The following OSBPL9 variants were observed in gnomAD, a reference collection of about 807,000 sequenced individuals.
OSBPL9 encodes the protein oxysterol binding protein like 9.
Under a neutral mutation model 106.6 loss-of-function variants are expected in OSBPL9, and 40 were observed. That is an observed-to-expected ratio of 0.38 (90% CI 0.29 to 0.49). OSBPL9 has a LOEUF of 0.49. Ranked by LOEUF, OSBPL9 falls within the 20% of genes least tolerant of loss-of-function variation. The pLI is 0.97. For synonymous variants in OSBPL9, 269 were observed against 295.4 expected, an observed-to-expected ratio of 0.91 and a Z score of 0.92; for missense variants, 609 against 887.2, an observed-to-expected ratio of 0.69 and a Z score of 3.98.
At chr1:51,734,640 C>A (rs903955491) in intron 4 of OSBPL9, among the ~76,000 whole-genome samples, 1 of 152,106 alleles carries the variant, frequency 6.6e-6, no homozygotes, top group Admixed American at 6.6e-5. Flanking sequence ...ATTCTAATTC[C>A]ATTTCTACCT....
intron 4 of OSBPL9, among the ~76,000 whole-genome samples, chr1:51,731,236 G>A (rs1664320230): frequency 3.3e-5 from 5 of 151,974 alleles, no homozygotes; most frequent in African/African-American, 9.7e-5. Context: ...AGGAGCTGGA[G>A]ACCAGCCTGG....
intron 3 of OSBPL9, among the ~76,000 whole-genome samples, chr1:51,694,825 CAT>C (rs1655691873): frequency 6.6e-6 from 1 of 152,096 alleles, no homozygotes; most frequent in Non-Finnish European, 1.5e-5. Context: ...CTGGTGAATA[CAT>C]GTTTTCCAAA....
At position 51,784,559 on chromosome 1, in the gene OSBPL9, G is replaced by A. The variant is rs759522529; in HGVS notation, c.1806G>A (p.Lys602=). The change falls in exon 20 of 24, where the codon AAG becomes AAA. Residue 602 remains lysine, a synonymous_variant. Transcript: ENST00000428468. ...CTAAACCCTTCTATGGGGGCAAGAAGCACAGAATTACTGCCGAGATTTTGT... is the reference window on the plus strand; with the variant it reads ...CTAAACCCTTCTATGGGGGCAAGAAACACAGAATTACTGCCGAGATTTTGT... ...FHTKPFYGGK[K]HRITAEIFSP... The A allele has an allele frequency of 1.2e-6, 2 of 1,614,126 alleles. No individual in the cohort carries two copies. The highest frequency in any genetic ancestry group is 1.7e-6 in the Non-Finnish European group (2 of 1,179,980).
the OSBPL9 span, chr1:51,560,935 C>T: frequency 6.6e-6 from 1 of 152,214 alleles, no homozygotes; most frequent in Non-Finnish European, 1.5e-5. Flanking sequence ...AGTATTGGAA[C>T]TTTGAATCTG....
chr1:51,745,299 A>G (rs1667750959), intron 4 of OSBPL9: 5 of 457,828 alleles, frequency 1.1e-5, no homozygotes, highest in Admixed American at 8.3e-5. Flanking sequence ...AGTAAATCCA[A>G]TTTGAGCAGC....
At chr1:51,540,689 G>T in the OSBPL9 span, among the ~76,000 whole-genome samples, 1 of 118,120 alleles carries the variant, frequency 8.5e-6, no homozygotes, top group Non-Finnish European at 1.9e-5. Context: ...GCCAGGTGTG[G>T]TGGCTCACGC....
chr1:51,521,824 C>T, the OSBPL9 span, among the ~76,000 whole-genome samples: 2 of 152,176 alleles, frequency 1.3e-5, no homozygotes, highest in African/African-American at 4.8e-5. Context: ...ACGGTGCAAT[C>T]TCGGCTCACT....
chr1:51,657,717 G>A (rs2148721386), intron 2 of OSBPL9, among the ~76,000 whole-genome samples: 1 of 152,332 alleles, frequency 6.6e-6, no homozygotes, highest in Admixed American at 6.5e-5. Flanking sequence ...CTTGAGTCCT[G>A]TGGTCTGATC....
the OSBPL9 span, among the ~76,000 whole-genome samples, chr1:51,546,031 T>C: frequency 6.8e-4 from 103 of 152,270 alleles, no homozygotes; most frequent in Non-Finnish European, 1.1e-3. Context: ...AGACAATTTT[T>C]TTTGAGACAG....
chr1:51,654,041 C>A (rs1012379965), intron 2 of OSBPL9, among the ~76,000 whole-genome samples: 11 of 151,930 alleles, frequency 7.2e-5, no homozygotes, highest in African/African-American at 2.4e-4. Context: ...GGAATCCAGA[C>A]CCTTTGACCT....
At chr1:51,613,542 G>A (rs779825700), upstream of OSBPL9, among the ~76,000 whole-genome samples, 22 of 152,162 alleles carry the variant, frequency 1.4e-4, no homozygotes, top group Admixed American at 3.3e-4. Flanking sequence ...GGTTAAAAGT[G>A]ATAAGATATA....
At chr1:51,784,124 G>A (rs1301163512) in intron 18 of OSBPL9, 99 bp downstream of exon 18, 2 of 1,386,078 alleles carry the variant, frequency 1.4e-6, no homozygotes. Context: ...ATTGGTATTG[G>A]GGGTGAGAGC....
At chr1:51,630,002 C>A (rs1322828678) in intron 1 of OSBPL9, among the ~76,000 whole-genome samples, 1 of 151,778 alleles carries the variant, frequency 6.6e-6, no homozygotes, top group Non-Finnish European at 1.5e-5. Flanking sequence ...GGAGTGATTA[C>A]CCCAACCCCC....
At chr1:51,680,147 G>T (rs908555140) in intron 3 of OSBPL9, among the ~76,000 whole-genome samples, 1 of 151,846 alleles carries the variant, frequency 6.6e-6, no homozygotes, top group Admixed American at 6.6e-5. Context: ...CCACCTCCTC[G>T]GGAGGCTGAG....
chr1:51,650,964 T>G (rs1455582145), intron 1 of OSBPL9, among the ~76,000 whole-genome samples: 2 of 152,220 alleles, frequency 1.3e-5, no homozygotes, highest in Admixed American at 1.3e-4. Context: ...ACCTGATGTG[T>G]ACCAGACACT....
chr1:51,665,741 A>G (rs1252141201), intron 2 of OSBPL9, among the ~76,000 whole-genome samples: 4 of 152,204 alleles, frequency 2.6e-5, no homozygotes, highest in Non-Finnish European at 4.4e-5. Flanking sequence ...GCCTTCGATT[A>G]GAGAGGGGAA....
intron 2 of OSBPL9, among the ~76,000 whole-genome samples, chr1:51,607,787 A>G (rs987576561): frequency 2.0e-5 from 3 of 152,250 alleles, no homozygotes; most frequent in Admixed American, 2.0e-4. Context: ...CAAGGGGCAT[A>G]TGGCACAGTG....
Position 51,773,064 on chromosome 1 carries a change from CT to C in OSBPL9, c.1170+343del, listed in dbSNP as rs1457145512. Reference sequence around the variant, plus strand: ...TTTCTTCTGTTTCTTCCTCTGTGGACTTCAGGGTTCTCTATGCAAATTGGAC... The same window carrying C: ...TTTCTTCTGTTTCTTCCTCTGTGGACTCAGGGTTCTCTATGCAAATTGGAC... On this transcript the variant is annotated intron_variant, in intron 14 of 23. Coordinates refer to ENST00000428468, the MANE Select transcript of OSBPL9 (RefSeq NM_024586.6). 3.3e-5 allele frequency among the ~76,000 whole-genome samples: 5 copies of C among 152,132 alleles called. No homozygotes were observed. The East Asian group carries it at 5.8e-4, about 18-fold the overall frequency.
At chr1:51,574,598 G>A (rs1436270965), upstream of OSBPL9, among the ~76,000 whole-genome samples, 1 of 151,976 alleles carries the variant, frequency 6.6e-6, no homozygotes, top group Non-Finnish European at 1.5e-5. Context: ...CAGCCTGTGC[G>A]ACAGAGCGAG....
Sources: gnomAD v4.1 joint callset for allele counts (sites outside exome capture counted in the v4.1 genomes callset) on GRCh38, gnomAD v4.1.1 for gene constraint, MANE v1.5 for transcripts, NCBI Gene and HGNC (gene_info 2026-07-23, HGNC 2026-07-21) for gene names.